Variants in INTS12 observed in about 807,000 individuals in gnomAD.
INTS12 encodes the protein PHD finger protein 22.
In INTS12, 13 loss-of-function variants were observed where a neutral mutation model predicts 41.6. The ratio of observed to expected loss-of-function variants is 0.31; its 90% CI spans 0.20 to 0.50. The LOEUF (loss-of-function observed/expected upper bound fraction) is 0.50, where lower values mean the gene tolerates loss of function less well. Ranked by LOEUF, INTS12 falls within the 20% of genes least tolerant of loss-of-function variation. INTS12 has a pLI of 0.98. For synonymous variants in INTS12, 199 were observed against 191.4 expected, an observed-to-expected ratio of 1.04 and a Z score of -0.33; for missense variants, 432 against 541.6, an observed-to-expected ratio of 0.80 and a Z score of 2.01.
At chr4:105,683,398 A>T in intron 7 of INTS12, 81 bp from the exon 8 acceptor site, 1 of 1,028,368 alleles carries the variant, frequency 9.7e-7, no homozygotes, top group Non-Finnish European at 1.4e-6. Flanking sequence ...TGAATTGGGA[A>T]ATTTAAATCA....
chr4:105,698,133 C>A (rs895130048), intron 3 of INTS12, among the ~76,000 whole-genome samples: 2 of 152,314 alleles, frequency 1.3e-5, no homozygotes, highest in African/African-American at 4.8e-5. Flanking sequence ...TAAACTATTA[C>A]CTAATTCAGC....
intron 2 of INTS12, among the ~76,000 whole-genome samples, chr4:105,701,683 T>TA (rs1732079551): frequency 1.3e-5 from 2 of 152,214 alleles, no homozygotes; most frequent in African/African-American, 4.8e-5. Context: ...CTAATCTTTC[T>TA]ACTGATTTTA....
At chr4:105,699,717 A>G in intron 3 of INTS12, 133 bp downstream of exon 3, 1 of 706,552 alleles carries the variant, frequency 1.4e-6, no homozygotes, top group Admixed American at 3.1e-5. Flanking sequence ...AAAAGAAAAT[A>G]AAGAATATAA....
intron 7 of INTS12, among the ~76,000 whole-genome samples, chr4:105,686,385 C>T (rs144825445): frequency 6.6e-6 from 1 of 152,144 alleles, no homozygotes. Flanking sequence ...CATGGCACCT[C>T]GCCTGAATTT....
At chr4:105,693,125 A>C (rs1731745211) in intron 5 of INTS12, among the ~76,000 whole-genome samples, 174 bp downstream of exon 5, 1 of 152,238 alleles carries the variant, frequency 6.6e-6, no homozygotes, top group African/African-American at 2.4e-5. Context: ...GACAATTTTC[A>C]ATATGCTAAA....
chr4:105,703,301 C>G (rs1381867003), intron 2 of INTS12, among the ~76,000 whole-genome samples: 1 of 152,052 alleles, frequency 6.6e-6, no homozygotes, highest in Non-Finnish European at 1.5e-5. Context: ...TAATATTTAC[C>G]ACTTTAAAGC....
intron 4 of INTS12, 88 bp from the exon 5 acceptor site, chr4:105,693,574 C>A (rs1013519140): frequency 2.8e-6 from 3 of 1,068,382 alleles, no homozygotes; most frequent in African/African-American, 3.1e-5. Flanking sequence ...GGACAATTGG[C>A]AATGAACAAG....
chr4:105,698,761 C>T (rs1003567306), intron 3 of INTS12, among the ~76,000 whole-genome samples: 5 of 152,158 alleles, frequency 3.3e-5, no homozygotes, highest in South Asian at 2.1e-4. Flanking sequence ...GAGTACTAGA[C>T]CTAGTATTGA....
chr4:105,692,473 G>A (rs1425779208), intron 5 of INTS12, among the ~76,000 whole-genome samples: 3 of 117,136 alleles, frequency 2.6e-5, no homozygotes, highest in Non-Finnish European at 4.9e-5. Context: ...GACAGAGTAA[G>A]ACTCTGTCTC....
At chr4:105,702,355 C>G (rs2149191395) in intron 2 of INTS12, among the ~76,000 whole-genome samples, 1 of 152,092 alleles carries the variant, frequency 6.6e-6, no homozygotes, top group Admixed American at 6.5e-5. Context: ...CCAGGATGGT[C>G]TCGATCTCCT....
At chr4:105,684,526 A>T (rs188404736) in intron 7 of INTS12, among the ~76,000 whole-genome samples, 2 of 152,216 alleles carry the variant, frequency 1.3e-5, no homozygotes, top group East Asian at 3.9e-4. Context: ...TACATTTTTA[A>T]TCAATGTGAA....
intron 1 of INTS12, among the ~76,000 whole-genome samples, chr4:105,707,687 C>T (rs1732340217): frequency 6.6e-6 from 1 of 152,208 alleles, no homozygotes; most frequent in African/African-American, 2.4e-5. Context: ...TTGCTTAATT[C>T]ATTAATCCCA....
chr4:105,696,514 C>T (rs747785227), intron 3 of INTS12, among the ~76,000 whole-genome samples: 10 of 152,034 alleles, frequency 6.6e-5, no homozygotes, highest in Non-Finnish European at 1.3e-4. Flanking sequence ...TGAGATTCAT[C>T]CATGTTGTTT....
At chr4:105,708,264 TC>T in intron 1 of INTS12, 1 of 985,368 alleles carries the variant, frequency 1.0e-6, no homozygotes, top group South Asian at 4.7e-5. Context: ...GATCAAAGCA[TC>T]ACACATCGAA....
intron 6 of INTS12, among the ~76,000 whole-genome samples, chr4:105,687,685 T>C (rs1731543722): frequency 6.6e-6 from 1 of 152,244 alleles, no homozygotes; most frequent in Non-Finnish European, 1.5e-5. Context: ...GGCTCACGCC[T>C]GTAATCCCAG....
rs1731385115 is a variant in INTS12 at position 105,683,233 on chromosome 4, C to T, written c.889G>A (p.Ala297Thr). 1.2e-6 allele frequency: 2 copies of T among 1,613,940 alleles called. No homozygotes were observed. Among genetic ancestry groups the T allele is most frequent in the Non-Finnish European group, 1.7e-6 (2 of 1,179,996 alleles). The change falls in exon 8 of 8, where the codon GCA (alanine) becomes ACA (threonine). Residue 297 changes from alanine to threonine, a missense_variant. Physicochemically the swap from Ala to Thr is moderately conservative, Grantham distance 58 (BLOSUM62 0). Coordinates refer to ENST00000340139, the MANE Select transcript of INTS12 (RefSeq NM_020395.4). Reference sequence around the variant, plus strand: ...GGACCAGCAGAGGAAGTTTTGGCTGCAAAAGCTGCCCATCCAGTTAAGCCA... The same window carrying T: ...GGACCAGCAGAGGAAGTTTTGGCTGTAAAAGCTGCCCATCCAGTTAAGCCA... ...TSGLTGWAAF[A>T]AKTSSAGPST...
chr4:105,697,985 G>C (rs779839014), intron 3 of INTS12, among the ~76,000 whole-genome samples: 46 of 152,164 alleles, frequency 3.0e-4, no homozygotes, highest in Non-Finnish European at 5.1e-4. Context: ...GGGAGGGAGA[G>C]AGCGCAGTGA....
At chr4:105,702,458 T>C (rs1208248707) in intron 2 of INTS12, among the ~76,000 whole-genome samples, 1 of 152,206 alleles carries the variant, frequency 6.6e-6, no homozygotes. Flanking sequence ...TTTCTATTTA[T>C]TTTTTAAAAA....
intron 6 of INTS12, among the ~76,000 whole-genome samples, chr4:105,691,508 A>G (rs1181815256): frequency 1.3e-5 from 2 of 152,226 alleles, no homozygotes; most frequent in South Asian, 2.1e-4. Context: ...ACTAAGCAAC[A>G]GAGAAATGCA....
Sources: allele counts gnomAD v4.1 joint callset (sites outside exome capture counted in the v4.1 genomes callset), GRCh38; gene constraint gnomAD v4.1.1; transcripts MANE v1.5; gene names NCBI Gene and HGNC (gene_info 2026-07-23, HGNC 2026-07-21).